Variants in CMIP observed in about 807,000 individuals in gnomAD.
CMIP encodes the protein c-Maf inducing protein, also known as C-Maf-inducing protein.
Under a neutral mutation model 97.3 loss-of-function variants are expected in CMIP, and 13 were observed. The observed-to-expected ratio is 0.13, with a 90% CI of 0.09 to 0.21. The LOEUF is 0.21. CMIP is among the 10% of genes least tolerant of loss of function. CMIP has a pLI of 1.00. For missense variants in CMIP, 847 were observed against 1,024.9 expected, an observed-to-expected ratio of 0.83 and a Z score of 2.37; for synonymous variants, 538 against 436.3, an observed-to-expected ratio of 1.23 and a Z score of -2.91.
chr16:81,657,155 A>G (rs897254468), intron 4 of CMIP, among the ~76,000 whole-genome samples: 6 of 152,210 alleles, frequency 3.9e-5, no homozygotes, highest in African/African-American at 9.6e-5. Flanking sequence ...CCAGATTGGG[A>G]AGGAAACAGG....
chr16:81,550,996 C>T (rs1444336498), intron 1 of CMIP, among the ~76,000 whole-genome samples: 1 of 146,600 alleles, frequency 6.8e-6, no homozygotes, highest in East Asian at 2.0e-4. Context: ...ACACGCACCC[C>T]AGTCCCGTCA....
chr16:81,447,878 C>T (rs1905957398), intron 1 of CMIP, among the ~76,000 whole-genome samples: 1 of 152,146 alleles, frequency 6.6e-6, no homozygotes, highest in African/African-American at 2.4e-5. Context: ...GTTGGGACTG[C>T]CACCAGGGCT....
chr16:81,613,037 A>G (rs1481562624), intron 2 of CMIP, among the ~76,000 whole-genome samples: 1 of 152,084 alleles, frequency 6.6e-6, no homozygotes, highest in African/African-American at 2.4e-5. Context: ...GAAGCCCCTT[A>G]GAGATGCCTG....
chr16:81,448,809 C>G lies in CMIP; in HGVS notation c.300+3268C>G, dbSNP rs143663100. Among the ~76,000 whole-genome samples the G allele has an allele frequency of 8.7e-3, 1,328 of 152,320 alleles. 16 individuals carry two copies. Among genetic ancestry groups the G allele is most frequent in the Middle Eastern group, 0.034 (10 of 294 alleles). On this transcript the variant is annotated intron_variant, in intron 1 of 20. Transcript: ENST00000537098. ...GGCCAGGGCCCCCTCCCTTGGGGAC[C>G]CAGGACTGCACCTTTGTGGGGAAGG...
chr16:81,633,856 C>T (rs1333071974), intron 3 of CMIP, among the ~76,000 whole-genome samples: 3 of 152,186 alleles, frequency 2.0e-5, no homozygotes, highest in Non-Finnish European at 4.4e-5. Context: ...GAGGTCGGGG[C>T]CAGCCTGACA....
chr16:81,640,737 C>CGTGTGTGTGTGTGTGTGTGT (rs1567627570), intron 3 of CMIP, among the ~76,000 whole-genome samples: 51 of 76,022 alleles, frequency 6.7e-4, no homozygotes, highest in African/African-American at 2.0e-3. Flanking sequence ...CTCTCTGGAG[C>CGTGTGTGTGTGTGTGTGTGT]ATGTGTGTGT....
rs1344597210 is a variant in CMIP, at chr16:81,620,740, T to G, written c.427-136T>G. 3.0e-6 allele frequency: 3 copies of G among 990,450 alleles called. No homozygotes were observed. In the Admixed American group the frequency reaches 7.2e-5, roughly 24 times the overall value. The allele number at this position is 990,450 out of a possible 1,614,324, so 61.4% of individuals were successfully genotyped here. ...ACAACAGGCTCAGCTTAGCATATCT[T>G]TCAGCAGGCTTGTTAGGGTCACAGG... On this transcript the variant is annotated intron_variant, in intron 2 of 20. Transcript: ENST00000537098.
At chr16:81,540,300 C>T (rs777736192) in intron 1 of CMIP, among the ~76,000 whole-genome samples, 5 of 152,264 alleles carry the variant, frequency 3.3e-5, no homozygotes, top group Admixed American at 6.5e-5. Flanking sequence ...GCCTCTGATC[C>T]GTGAGATGGG....
intron 3 of CMIP, among the ~76,000 whole-genome samples, chr16:81,650,258 A>T (rs10871419): frequency 3.3e-5 from 5 of 151,928 alleles, no homozygotes; most frequent in Non-Finnish European, 7.4e-5. Flanking sequence ...CTCCCTGGGG[A>T]ATGCTGGGCT....
At chr16:81,598,237 CGGG>C (rs1217639925) in intron 1 of CMIP, among the ~76,000 whole-genome samples, 4 of 151,226 alleles carry the variant, frequency 2.6e-5, no homozygotes, top group Non-Finnish European at 5.9e-5. Flanking sequence ...AGCTGACCAA[CGGG>C]GGTATCGTCT....
chr16:81,610,498 C>A, intron 2 of CMIP: 1 of 985,642 alleles, frequency 1.0e-6, no homozygotes, highest in Non-Finnish European at 1.2e-6. Flanking sequence ...AATGAGGGAG[C>A]AGCAGACACG....
intron 1 of CMIP, among the ~76,000 whole-genome samples, chr16:81,485,161 A>G (rs551598605): frequency 1.7e-4 from 26 of 152,290 alleles, no homozygotes; most frequent in African/African-American, 5.5e-4. Context: ...GGAGTATTCT[A>G]TTGCGTATGT....
chr16:81,533,963 G>A (rs117804169), intron 1 of CMIP: 6 of 152,386 alleles, frequency 3.9e-5, no homozygotes, highest in Admixed American at 3.9e-4. Flanking sequence ...CAGATGGGAA[G>A]GAAGGGCGCA....
At chr16:81,547,952 C>G (rs1052590272) in intron 1 of CMIP, among the ~76,000 whole-genome samples, 1 of 152,200 alleles carries the variant, frequency 6.6e-6, no homozygotes, top group Admixed American at 6.5e-5. Flanking sequence ...CTCGCAGCCT[C>G]TGATCCCAGC....
intron 8 of CMIP, among the ~76,000 whole-genome samples, chr16:81,671,545 C>A (rs1027117007): frequency 6.6e-6 from 1 of 152,188 alleles, no homozygotes; most frequent in East Asian, 1.9e-4. Flanking sequence ...CCTGAACCAC[C>A]AGGTGTGAGC....
chr16:81,445,210 C>T lies in CMIP; in HGVS notation c.-32C>T, dbSNP rs1323115320. On this transcript the variant is annotated 5_prime_UTR_variant, in exon 1 of 21. Transcript: ENST00000537098. ...CCAGCAGCCCAGGACAGCCCCCTCTCCCCGCCCCCAGCCCCCTCCCCCGGC... is the reference window on the plus strand; with the variant it reads ...CCAGCAGCCCAGGACAGCCCCCTCTTCCCGCCCCCAGCCCCCTCCCCCGGC... 2 of 1,417,660 alleles carry T rather than the reference C, an allele frequency of 1.4e-6. No homozygotes were observed. The highest frequency in any genetic ancestry group is 9.4e-7 in the Non-Finnish European group (1 of 1,066,190). The allele number at this position is 1,417,660 out of a possible 1,614,324, so 87.8% of individuals were successfully genotyped here.
chr16:81,633,351 T>C (rs2092190700), intron 3 of CMIP, among the ~76,000 whole-genome samples: 3 of 152,308 alleles, frequency 2.0e-5, no homozygotes, highest in Middle Eastern at 6.8e-3. Flanking sequence ...TGCCATTCTT[T>C]TGTTGGCCTC....
At chr16:81,492,199 G>A (rs184639072) in intron 1 of CMIP, among the ~76,000 whole-genome samples, 8 of 152,288 alleles carry the variant, frequency 5.3e-5, no homozygotes, top group Admixed American at 4.6e-4. Context: ...TTGCTTTCCC[G>A]CAGAGTGGAG....
chr16:81,497,317 C>A (rs911713338), intron 1 of CMIP, among the ~76,000 whole-genome samples: 3 of 152,174 alleles, frequency 2.0e-5, no homozygotes, highest in African/African-American at 7.2e-5. Flanking sequence ...TTGGTCCTCT[C>A]CACCAATAAC....
Sources: allele counts gnomAD v4.1 joint callset (sites outside exome capture counted in the v4.1 genomes callset), GRCh38; gene constraint gnomAD v4.1.1; transcripts MANE v1.5; gene names NCBI Gene and HGNC (gene_info 2026-07-23, HGNC 2026-07-21).